The following HEATR5B variants were observed in gnomAD, a reference collection of about 807,000 sequenced individuals.
HEATR5B encodes the protein HEAT repeat containing 5B.
HEATR5B carries 156 observed loss-of-function variants against 224.1 expected under a neutral mutation model. The observed-to-expected ratio is 0.70, with a 90% confidence interval of 0.61 to 0.80. HEATR5B has a LOEUF of 0.80. Ranked by LOEUF, HEATR5B falls within the 30% of genes least tolerant of loss-of-function variation. The pLI, the probability that HEATR5B is intolerant of heterozygous loss-of-function variation, is 0.00. For synonymous variants in HEATR5B, 1,027 were observed against 893.0 expected, an observed-to-expected ratio of 1.15 and a Z score of -2.68; for missense variants, 2,323 against 2,535.5, an observed-to-expected ratio of 0.92 and a Z score of 1.80.
At chr2:37,059,620 C>T (rs1254454071) in intron 12 of HEATR5B, among the ~76,000 whole-genome samples, 3 of 151,178 alleles carry the variant, frequency 2.0e-5, no homozygotes, top group African/African-American at 4.9e-5. Context: ...AGCACCAGCA[C>T]GCCTGGCTAA....
chr2:37,063,047 G>C (rs1430448350), intron 10 of HEATR5B, among the ~76,000 whole-genome samples: 1 of 152,144 alleles, frequency 6.6e-6, no homozygotes, highest in Non-Finnish European at 1.5e-5. Context: ...TGATCCTCCA[G>C]CCTCGGCCTC....
At chr2:37,009,631 A>T (rs908145344) in intron 27 of HEATR5B, among the ~76,000 whole-genome samples, 5 of 152,098 alleles carry the variant, frequency 3.3e-5, no homozygotes, top group Admixed American at 1.3e-4. Flanking sequence ...ATAAACACAA[A>T]AGAATAATTC....
In HEATR5B at chr2:37,003,701, T is replaced by C. The variant is rs756173367; in HGVS notation, c.4906-15A>G. ...ACACCTATCAGCTAATACAAATAAA[T>C]ACAAATACAGTTAAGTAATTTCAAT... On this transcript the variant is annotated splice_polypyrimidine_tract_variant and intron_variant, in intron 30 of 35. Coordinates refer to ENST00000233099, the MANE Select transcript of HEATR5B (RefSeq NM_019024.3). 1.0e-5 allele frequency: 16 copies of C among 1,552,302 alleles called. No homozygotes were observed. Among genetic ancestry groups the C allele is most frequent in the African/African-American group, 1.4e-5 (1 of 72,578 alleles).
chr2:37,041,681 G>A (rs1472868826), intron 18 of HEATR5B, among the ~76,000 whole-genome samples: 2 of 152,188 alleles, frequency 1.3e-5, no homozygotes, highest in African/African-American at 4.8e-5. Flanking sequence ...GACAGGTGAG[G>A]CTGCAGTGAG....
At chr2:36,984,501 T>C (rs1009181937) in intron 35 of HEATR5B, among the ~76,000 whole-genome samples, 4 of 151,880 alleles carry the variant, frequency 2.6e-5, no homozygotes, top group African/African-American at 7.3e-5. Context: ...AAATAAATTC[T>C]ATGAAGGGTA....
chr2:37,064,830 T>C lies in HEATR5B; in HGVS notation c.1494A>G (p.Pro498=), dbSNP rs202158826. 1.5e-4 allele frequency: 248 copies of C among 1,614,010 alleles called. 1 individual carries two copies. In the Middle Eastern group the frequency reaches 2.3e-3, roughly 15 times the overall value. The change falls in exon 10 of 36, where the codon CCA becomes CCG. Residue 498 remains proline (P), a synonymous_variant. Transcript: ENST00000233099. ...CAAAACTATATCCACTGACAGCTTC[T>C]GGTGAGGTCTTCAAGTTGTTGAGCC... is the stretch of plus-strand genomic sequence containing the variant. ...AERLNNLKTS[P]EAVSGYSFAM...
At chr2:36,982,327 A>G (rs1191146892) in intron 35 of HEATR5B, among the ~76,000 whole-genome samples, 3 of 151,408 alleles carry the variant, frequency 2.0e-5, no homozygotes, top group Non-Finnish European at 2.9e-5. Context: ...GGTTAAAAAA[A>G]CAAGAACCTA....
At chr2:37,027,482 T>C (rs943769316) in intron 24 of HEATR5B, among the ~76,000 whole-genome samples, 4 of 152,196 alleles carry the variant, frequency 2.6e-5, no homozygotes, top group Non-Finnish European at 5.9e-5. Flanking sequence ...CTAATAGCAC[T>C]TCTGAAATTT....
At chr2:37,040,234 A>G (rs1669787499) in intron 20 of HEATR5B, 95 bp downstream of exon 20, 1 of 1,010,488 alleles carries the variant, frequency 9.9e-7, no homozygotes, top group East Asian at 2.4e-5. Context: ...AATTGTTATT[A>G]CAAAATTTCT....
At chr2:36,991,334 C>T (rs560618325) in intron 33 of HEATR5B, among the ~76,000 whole-genome samples, 1 of 151,738 alleles carries the variant, frequency 6.6e-6, no homozygotes, top group East Asian at 1.9e-4. Flanking sequence ...CGAGACCAGC[C>T]TGACCACAAA....
chr2:37,041,615 G>A (rs1240389975), intron 18 of HEATR5B, among the ~76,000 whole-genome samples: 1 of 152,072 alleles, frequency 6.6e-6, no homozygotes, highest in East Asian at 1.9e-4. Flanking sequence ...TCATGGCAGC[G>A]CATGCCTGTA....
At chr2:37,029,665 G>A (rs1276715557) in intron 22 of HEATR5B, among the ~76,000 whole-genome samples, 1 of 151,912 alleles carries the variant, frequency 6.6e-6, no homozygotes, top group African/African-American at 2.4e-5. Context: ...ACTCCACTGG[G>A]CACAGTGGCT....
At chr2:37,017,292 G>C (rs1668177732) in intron 26 of HEATR5B, among the ~76,000 whole-genome samples, 1 of 152,068 alleles carries the variant, frequency 6.6e-6, no homozygotes, top group South Asian at 2.1e-4. Flanking sequence ...GGCTGAGGCA[G>C]GAGAATTGCT....
chr2:37,005,817 G>A, intron 29 of HEATR5B, 58 bp from the exon 30 acceptor site: 1 of 1,329,846 alleles, frequency 7.5e-7, no homozygotes, highest in Non-Finnish European at 1.0e-6. Flanking sequence ...TATGTTGTTT[G>A]ATCCCATATT....
Position 37,068,863 on chromosome 2 carries a change from G to C in HEATR5B, c.995C>G (p.Ser332Cys), listed in dbSNP as rs749712683. 7.7e-5 allele frequency: 125 copies of C among 1,614,010 alleles called. 1 individual carries two copies. In the South Asian group the frequency reaches 1.3e-3, roughly 17 times the overall value. ...WLERSFATFL[S>C]HVLDLVSHPR... is the part of the protein sequence containing the mutation. ...ATGGGAAACCAGATCAAGTACATGG[G>C]ACAGGAACGTGGCAAAGCTGCGCTC... is the stretch of plus-strand genomic sequence containing the variant. Residue 332 changes from serine to cysteine, a missense_variant, in exon 8 of 36, where the codon TCC becomes TGC. Ser to Cys is a moderately radical substitution (Grantham distance 112, BLOSUM62 -1). Coordinates refer to ENST00000233099, the MANE Select transcript of HEATR5B (RefSeq NM_019024.3).
At chr2:36,985,817 T>C (rs533800473) in intron 35 of HEATR5B, among the ~76,000 whole-genome samples, 1 of 152,106 alleles carries the variant, frequency 6.6e-6, no homozygotes, top group Admixed American at 6.6e-5. Flanking sequence ...ATTGGTCTGG[T>C]TGATAGTTGA....
chr2:37,068,978 C>G, intron 7 of HEATR5B, 48 bp from the exon 8 acceptor site: 1 of 1,555,540 alleles, frequency 6.4e-7, no homozygotes, highest in Non-Finnish European at 8.7e-7. Flanking sequence ...CATAACTGAA[C>G]AGAAATCAAA....
chr2:37,052,764 C>A (rs1466284690), intron 17 of HEATR5B, among the ~76,000 whole-genome samples: 2 of 152,190 alleles, frequency 1.3e-5, no homozygotes, highest in African/African-American at 4.8e-5. Flanking sequence ...GACCAAGTGA[C>A]TAACAGACAG....
intron 18 of HEATR5B, among the ~76,000 whole-genome samples, chr2:37,042,476 T>C (rs1170514465): frequency 2.0e-5 from 3 of 152,182 alleles, no homozygotes; most frequent in Non-Finnish European, 2.9e-5. Context: ...TAAGAACAAA[T>C]ATCAAATTTA....
Sources: gnomAD v4.1 joint callset for allele counts (sites outside exome capture counted in the v4.1 genomes callset) on GRCh38, gnomAD v4.1.1 for gene constraint, MANE v1.5 for transcripts, NCBI Gene and HGNC (gene_info 2026-07-23, HGNC 2026-07-21) for gene names.